The following CPVL variants were observed in gnomAD, a reference collection of about 807,000 sequenced individuals.
CPVL encodes the protein probable serine carboxypeptidase CPVL.
CPVL carries 51 observed loss-of-function variants against 63.7 expected under a neutral mutation model. The ratio of observed to expected loss-of-function variants is 0.80; its 90% confidence interval spans 0.64 to 1.01. CPVL has a LOEUF of 1.01. Among genes scored for constraint, CPVL ranks in the 50% least tolerant of loss-of-function variants. The probability of loss-of-function intolerance (pLI) is 0.00; values close to 1 mark genes in which losing one functional copy is unlikely to be tolerated. For synonymous variants in CPVL, 195 were observed against 206.0 expected (o/e 0.95, Z 0.46); for missense variants, 530 against 573.1 (o/e 0.92, Z 0.77).
intron 1 of CPVL, among the ~76,000 whole-genome samples, chr7:29,129,398 A>G (rs1584349565): frequency 6.6e-6 from 1 of 152,208 alleles, no homozygotes; most frequent in East Asian, 1.9e-4. Flanking sequence ...AGTACCTCAG[A>G]ATATGACCTT....
chr7:29,085,229 A>T (rs1785090676), intron 7 of CPVL, among the ~76,000 whole-genome samples: 2 of 152,232 alleles, frequency 1.3e-5, no homozygotes, highest in Non-Finnish European at 2.9e-5. Flanking sequence ...GGAAAGTACA[A>T]GAAGTACAAG....
chr7:29,062,193 C>G (rs1272405755), intron 11 of CPVL, among the ~76,000 whole-genome samples: 2 of 152,160 alleles, frequency 1.3e-5, no homozygotes, highest in African/African-American at 4.8e-5. Context: ...ACTAATCATT[C>G]ATTCATTCCT....
rs375805008 is a variant in CPVL, at chr7:29,099,233, G to A, written c.289-3016C>T. On this transcript the variant is annotated intron_variant, in intron 3 of 12. Transcript: ENST00000265394. ...TATTGCTATAATAGATAATCACGAGGAATTTGTAGATGGCTTGAACACAAT... is the reference window on the plus strand; with the variant it reads ...TATTGCTATAATAGATAATCACGAGAAATTTGTAGATGGCTTGAACACAAT... Among the ~76,000 whole-genome samples the A allele has an allele frequency of 9.6e-4, 143 of 148,606 alleles. 3 individuals carry two copies. In the South Asian group the frequency reaches 0.03, roughly 31 times the overall value.
intron 6 of CPVL, among the ~76,000 whole-genome samples, 172 bp from the exon 7 acceptor site, chr7:29,086,722 T>A (rs1785238475): frequency 6.6e-6 from 1 of 152,246 alleles, no homozygotes; most frequent in Admixed American, 6.5e-5. Flanking sequence ...CATGTGGGCT[T>A]ACTTTGTGAT....
At chr7:29,007,777 T>A (rs985691444) in intron 12 of CPVL, among the ~76,000 whole-genome samples, 2 of 146,510 alleles carry the variant, frequency 1.4e-5, no homozygotes, top group Middle Eastern at 3.5e-3. Context: ...ACACACACAG[T>A]CAGAGGCAAA....
chr7:29,070,112 A>C (rs1245174286), intron 9 of CPVL, among the ~76,000 whole-genome samples: 1 of 152,088 alleles, frequency 6.6e-6, no homozygotes, highest in Non-Finnish European at 1.5e-5. Context: ...TTAATTCATC[A>C]CTCAAGATAC....
In CPVL at chr7:29,129,822, T is replaced by A. The variant is rs573846342; in HGVS notation, c.-10-8751A>T. ...TAGCTACAATGAGATTATGCTGGAG[T>A]TGGATTAGGGCAGGGCTTTCATCCA... On this transcript the variant is annotated intron_variant, in intron 1 of 12. Coordinates refer to ENST00000265394, the MANE Select transcript of CPVL (RefSeq NM_031311.5). Among the ~76,000 whole-genome samples the A allele has an allele frequency of 2.2e-4, 34 of 151,918 alleles. No homozygotes were observed. The South Asian group carries it at 6.1e-3, about 27-fold the overall frequency.
At chr7:29,090,603 A>G (rs2128603238) in intron 6 of CPVL, among the ~76,000 whole-genome samples, 1 of 152,354 alleles carries the variant, frequency 6.6e-6, no homozygotes, top group South Asian at 2.1e-4. Context: ...CACCAAGAAC[A>G]GCAGCTGGCA....
chr7:29,092,740 A>G (rs1562765201), intron 5 of CPVL, 38 bp from the exon 6 acceptor site: 4 of 1,424,884 alleles, frequency 2.8e-6, no homozygotes, highest in African/African-American at 1.4e-5. Context: ...AAACACAGAG[A>G]AACACATGCC....
intron 1 of CPVL, among the ~76,000 whole-genome samples, chr7:29,188,541 T>TAA (rs200976369): frequency 6.6e-6 from 1 of 151,786 alleles, no homozygotes; most frequent in Admixed American, 6.6e-5. Flanking sequence ...ATTTTTTTTT[T>TAA]AAAAAAAAGA....
intron 7 of CPVL, among the ~76,000 whole-genome samples, chr7:29,076,678 A>C: frequency 6.6e-6 from 1 of 152,150 alleles, no homozygotes; most frequent in Non-Finnish European, 1.5e-5. Context: ...TCCCATGGTG[A>C]CCATATTTCG....
At chr7:29,032,030 T>C (rs1012525805) in intron 11 of CPVL, among the ~76,000 whole-genome samples, 5 of 152,168 alleles carry the variant, frequency 3.3e-5, no homozygotes, top group Non-Finnish European at 7.3e-5. Flanking sequence ...GCAACTAACA[T>C]ATTAATTATC....
Position 29,179,316 on chromosome 7 carries a change from C to G in CPVL, c.-11+1974G>C, listed in dbSNP as rs548155767. ...ACGCCAAGTCATGAGGAAGAGTGCT[C>G]CCTTCACTCTTTGCTAGATCAGTTC... On this transcript the variant is annotated intron_variant, in intron 5 of 16. Transcript: ENST00000409850. Among the ~76,000 whole-genome samples, 36 of 152,336 alleles carry G rather than the reference C, an allele frequency of 2.4e-4. No homozygotes were observed. In the East Asian group the frequency reaches 5.6e-3, roughly 24 times the overall value.
chr7:29,001,616 C>T (rs1442452940), intron 12 of CPVL, among the ~76,000 whole-genome samples: 1 of 152,156 alleles, frequency 6.6e-6, no homozygotes, highest in African/African-American at 2.4e-5. Flanking sequence ...CAGCAGAGAT[C>T]AAGGCTGGGA....
chr7:29,109,045 C>A (rs991546836), intron 3 of CPVL, among the ~76,000 whole-genome samples: 3 of 152,162 alleles, frequency 2.0e-5, no homozygotes, highest in African/African-American at 7.2e-5. Flanking sequence ...ATAACAATTC[C>A]TTCCTCATGG....
At chr7:29,132,376 A>T (rs1253841612) in intron 1 of CPVL, among the ~76,000 whole-genome samples, 1 of 152,132 alleles carries the variant, frequency 6.6e-6, no homozygotes, top group African/African-American at 2.4e-5. Context: ...GGATATCTCT[A>T]TCAGTGTCCA....
intron 1 of CPVL, among the ~76,000 whole-genome samples, chr7:29,123,597 GAAAAAAAAAAAAAAAAAAA>G (rs778757980): frequency 1.3e-3 from 53 of 41,252 alleles, no homozygotes; most frequent in African/African-American, 2.2e-3. Flanking sequence ...AACTGGTTCA[GAAAAAAAAAAAAAAAAAAA>G]AAAAAAAAAA....
At chr7:29,157,078 A>G (rs1201682281) in intron 5 of CPVL, among the ~76,000 whole-genome samples, 2 of 152,170 alleles carry the variant, frequency 1.3e-5, no homozygotes, top group Non-Finnish European at 2.9e-5. Flanking sequence ...GCACCGACAA[A>G]TTGTAGGGAA....
At chr7:29,105,651 T>C (rs537646941) in intron 3 of CPVL, among the ~76,000 whole-genome samples, 1 of 152,262 alleles carries the variant, frequency 6.6e-6, no homozygotes, top group Admixed American at 6.5e-5. Flanking sequence ...TTTTAATTTT[T>C]TATTTAATTT....
Sources: gnomAD v4.1 joint callset for allele counts (sites outside exome capture counted in the v4.1 genomes callset) on GRCh38, gnomAD v4.1.1 for gene constraint, MANE v1.5 for transcripts, NCBI Gene and HGNC (gene_info 2026-07-23, HGNC 2026-07-21) for gene names.